The following DYNC1I1 variants were observed in gnomAD, a reference collection of about 807,000 sequenced individuals.
The protein encoded by DYNC1I1 is dynein cytoplasmic 1 intermediate chain 1.
DYNC1I1 carries 43 observed loss-of-function variants against 86.6 expected under a neutral mutation model. That is an observed-to-expected ratio of 0.50 (90% CI 0.39 to 0.64). DYNC1I1 has a LOEUF of 0.64. DYNC1I1 is among the 30% of genes least tolerant of loss of function. The pLI, the probability that DYNC1I1 is intolerant of heterozygous loss-of-function variation, is 0.00. For missense variants in DYNC1I1, 604 were observed against 788.8 expected, an observed-to-expected ratio of 0.77 and a Z score of 2.81; for synonymous variants, 262 against 283.7, an observed-to-expected ratio of 0.92 and a Z score of 0.77.
intron 14 of DYNC1I1, among the ~76,000 whole-genome samples, chr7:96,043,294 T>C (rs1480085931): frequency 6.6e-6 from 1 of 152,118 alleles, no homozygotes; most frequent in Non-Finnish European, 1.5e-5. Flanking sequence ...ACAACCTTTT[T>C]CATAATTACA....
intron 4 of DYNC1I1, among the ~76,000 whole-genome samples, chr7:95,814,626 G>A (rs994752478): frequency 3.3e-5 from 5 of 152,146 alleles, no homozygotes; most frequent in African/African-American, 9.6e-5. Context: ...ATCTGGACAT[G>A]AAGATAATCT....
chr7:95,838,482 C>T (rs952904987), intron 5 of DYNC1I1, among the ~76,000 whole-genome samples: 1 of 152,150 alleles, frequency 6.6e-6, no homozygotes, highest in Non-Finnish European at 1.5e-5. Context: ...TGTGATACCT[C>T]TTGAGAATAC....
intron 5 of DYNC1I1, among the ~76,000 whole-genome samples, chr7:95,861,884 C>T (rs1417335762): frequency 6.6e-6 from 1 of 152,144 alleles, no homozygotes; most frequent in Non-Finnish European, 1.5e-5. Flanking sequence ...CTGCTTGGAG[C>T]AAGTGGCATC....
At chr7:95,852,831 A>G (rs1215452397) in intron 5 of DYNC1I1, among the ~76,000 whole-genome samples, 1 of 152,036 alleles carries the variant, frequency 6.6e-6, no homozygotes, top group Non-Finnish European at 1.5e-5. Context: ...ATTTCCTTCT[A>G]TTAACTTTGA....
intron 6 of DYNC1I1, among the ~76,000 whole-genome samples, chr7:95,870,534 C>T (rs561053400): frequency 4.5e-4 from 69 of 152,320 alleles, no homozygotes; most frequent in African/African-American, 1.6e-3. Flanking sequence ...TTTATTATAA[C>T]CTGGCCCTTT....
intron 1 of DYNC1I1, among the ~76,000 whole-genome samples, chr7:95,792,552 C>T (rs1472802970): frequency 6.6e-6 from 1 of 152,152 alleles, no homozygotes; most frequent in Non-Finnish European, 1.5e-5. Context: ...ATGTTTTCCC[C>T]ACAACTCTTC....
intron 5 of DYNC1I1, among the ~76,000 whole-genome samples, chr7:95,846,010 G>A (rs1789415119): frequency 6.6e-6 from 1 of 152,106 alleles, no homozygotes. Context: ...TAGGCCAATT[G>A]TTAAGGAGGT....
intron 12 of DYNC1I1, among the ~76,000 whole-genome samples, chr7:96,033,992 G>A (rs781022412): frequency 3.3e-5 from 5 of 151,818 alleles, no homozygotes; most frequent in African/African-American, 4.8e-5. Flanking sequence ...TCTGGGTGAC[G>A]GAGTGAGACT....
intron 5 of DYNC1I1, among the ~76,000 whole-genome samples, chr7:95,839,564 T>C (rs574066879): frequency 4.7e-4 from 71 of 152,342 alleles, no homozygotes; most frequent in Admixed American, 4.5e-3. Flanking sequence ...TTCATTTGTC[T>C]TTTTACTTTT....
chr7:95,838,355 G>C (rs1236362457), intron 5 of DYNC1I1, among the ~76,000 whole-genome samples: 1 of 152,144 alleles, frequency 6.6e-6, no homozygotes, highest in Non-Finnish European at 1.5e-5. Context: ...GACTGTAGAT[G>C]TGTGAGTTAA....
At chr7:95,944,118 C>G in intron 6 of DYNC1I1, among the ~76,000 whole-genome samples, 1 of 152,008 alleles carries the variant, frequency 6.6e-6, no homozygotes. Context: ...TTTTTGCAAC[C>G]TACTCATCTG....
chr7:95,940,042 C>T (rs1792160899), intron 6 of DYNC1I1, among the ~76,000 whole-genome samples: 1 of 152,094 alleles, frequency 6.6e-6, no homozygotes, highest in South Asian at 2.1e-4. Flanking sequence ...TATTTTATTT[C>T]TCCTTCATTT....
intron 13 of DYNC1I1, among the ~76,000 whole-genome samples, chr7:96,036,896 T>A (rs915982999): frequency 6.6e-6 from 1 of 152,184 alleles, no homozygotes. Flanking sequence ...GGTGGCCTCA[T>A]GTCTTTTGAA....
At chr7:95,831,623 C>T (rs768752318) in intron 5 of DYNC1I1, among the ~76,000 whole-genome samples, 2 of 152,018 alleles carry the variant, frequency 1.3e-5, no homozygotes, top group African/African-American at 2.4e-5. Flanking sequence ...TACAATCTTA[C>T]CAACAGTGTA....
At chr7:95,816,794 A>C (rs573482173) in intron 4 of DYNC1I1, among the ~76,000 whole-genome samples, 1 of 152,226 alleles carries the variant, frequency 6.6e-6, no homozygotes, top group Non-Finnish European at 1.5e-5. Context: ...GCATACAAAA[A>C]GGTCAAAGAA....
At chr7:95,804,653 G>C (rs570077914) in intron 1 of DYNC1I1, 68 bp from the exon 2 acceptor site, 1 of 1,423,278 alleles carries the variant, frequency 7.0e-7, no homozygotes, top group Non-Finnish European at 9.3e-7. Context: ...TCTTTAAAAT[G>C]ATTTTTGCAA....
intron 7 of DYNC1I1, among the ~76,000 whole-genome samples, chr7:95,978,286 A>C (rs2115639162): frequency 6.6e-6 from 1 of 152,352 alleles, no homozygotes; most frequent in African/African-American, 2.4e-5. Flanking sequence ...ACATGAGCCA[A>C]GATTTAGAGT....
chr7:95,875,239 T>C (rs1790279430), intron 6 of DYNC1I1, among the ~76,000 whole-genome samples: 1 of 151,936 alleles, frequency 6.6e-6, no homozygotes, highest in Non-Finnish European at 1.5e-5. Context: ...GCCAAGAATA[T>C]ATATTGGAAA....
intron 14 of DYNC1I1, among the ~76,000 whole-genome samples, chr7:96,044,822 G>T (rs910301122): frequency 2.6e-5 from 4 of 152,204 alleles, no homozygotes; most frequent in African/African-American, 4.8e-5. Flanking sequence ...TCACAGAGGA[G>T]AATAGGAAGA....
Sources: allele counts gnomAD v4.1 joint callset (sites outside exome capture counted in the v4.1 genomes callset), GRCh38; gene constraint gnomAD v4.1.1; transcripts MANE v1.5; gene names NCBI Gene and HGNC (gene_info 2026-07-23, HGNC 2026-07-21).